The following NFATC1 variants were observed in gnomAD, a reference collection of about 807,000 sequenced individuals.
The protein encoded by NFATC1 is nuclear factor of activated T cells 1, also known as nuclear factor of activated T-cells, cytoplasmic 1.
Under a neutral mutation model 76.0 loss-of-function variants are expected in NFATC1, and 22 were observed. The ratio of observed to expected loss-of-function variants is 0.29; its 90% confidence interval spans 0.21 to 0.41. The LOEUF is 0.41. NFATC1 is among the 10% of genes least tolerant of loss of function. NFATC1 has a pLI of 1.00. For missense variants in NFATC1, 1,357 were observed against 1,337.7 expected (o/e 1.01, Z -0.23); for synonymous variants, 704 against 613.1 (o/e 1.15, Z -2.19).
At chr18:79,494,826 C>G (rs1280730946) in intron 9 of NFATC1, among the ~76,000 whole-genome samples, 1 of 113,750 alleles carries the variant, frequency 8.8e-6, no homozygotes, top group Admixed American at 8.6e-5. Context: ...AAGGCGAGAG[C>G]GGGCACACGC....
At chr18:79,407,859 G>C (rs2148170620) in intron 1 of NFATC1, among the ~76,000 whole-genome samples, 1 of 152,310 alleles carries the variant, frequency 6.6e-6, no homozygotes, top group Non-Finnish European at 1.5e-5. Context: ...GGCCTGGCTA[G>C]CACCATCCCC....
chr18:79,396,481 GC>G, intron 1 of NFATC1, 130 bp downstream of exon 1: 1 of 469,516 alleles, frequency 2.1e-6, no homozygotes, highest in Non-Finnish European at 3.0e-6. Flanking sequence ...GGGTCTGTGC[GC>G]CCAGGGAGGG....
At chr18:79,504,096 T>G (rs143109845) in intron 9 of NFATC1, among the ~76,000 whole-genome samples, 3 of 152,126 alleles carry the variant, frequency 2.0e-5, no homozygotes, top group Non-Finnish European at 4.4e-5. Context: ...GTATCAGCAA[T>G]AAGGCTGTTC....
In NFATC1 at chr18:79,407,555, C is replaced by T. The variant is rs561046932; in HGVS notation, c.128-2848C>T. Among the ~76,000 whole-genome samples, 3 of 152,372 alleles carry T rather than the reference C, an allele frequency of 2.0e-5. No individual in the cohort carries two copies. In the East Asian group the frequency reaches 5.8e-4, roughly 29 times the overall value. On this transcript the variant is annotated intron_variant, in intron 1 of 9. Coordinates refer to ENST00000427363, the MANE Select transcript of NFATC1 (RefSeq NM_001278669.2). ...CTCTGCCTCCTGGGCTCAAGCAATC[C>T]TGCTGCCTCAGCCTCCCAAGTAGCT...
At chr18:79,488,598 C>T (rs1354221479) in intron 9 of NFATC1, among the ~76,000 whole-genome samples, 2 of 152,302 alleles carry the variant, frequency 1.3e-5, no homozygotes, top group East Asian at 3.9e-4. Context: ...CTTGTCCACC[C>T]GCGAGGCCAG....
intron 9 of NFATC1, among the ~76,000 whole-genome samples, chr18:79,494,011 CT>C (rs36000124): frequency 0.059 from 8,960 of 152,304 alleles, 386 homozygotes; most frequent in Admixed American, 0.094. Context: ...CCCGGAGCTG[CT>C]TCCTCAGGGA....
chr18:79,480,883 C>G (rs977300491), intron 8 of NFATC1, among the ~76,000 whole-genome samples: 1 of 152,224 alleles, frequency 6.6e-6, no homozygotes, highest in African/African-American at 2.4e-5. Context: ...CTGAAAATCC[C>G]GAGCAGCGGA....
intron 8 of NFATC1, among the ~76,000 whole-genome samples, chr18:79,478,638 T>C (rs1032046592): frequency 5.9e-5 from 9 of 152,192 alleles, no homozygotes; most frequent in African/African-American, 9.7e-5. Flanking sequence ...ACGATGGCCG[T>C]GGCGGGGGCT....
chr18:79,491,061 T>C (rs1667670), intron 9 of NFATC1, among the ~76,000 whole-genome samples: 96,228 of 151,688 alleles, frequency 0.63, 30,560 homozygotes, highest in Middle Eastern at 0.68. Context: ...ACAAGCTCCA[T>C]GGAAATGCGA....
rs886421577 is a variant in NFATC1, at chr18:79,411,804, C to T, written c.1226+303C>T. ...CGTGTTCGCTCAGTCTCTGCAAACA[C>T]CCATTTCAAAGAGGGTGGCCCTGCT... On this transcript the variant is annotated intron_variant, in intron 2 of 9. Coordinates refer to ENST00000427363, the MANE Select transcript of NFATC1 (RefSeq NM_001278669.2). Among the ~76,000 whole-genome samples the T allele has an allele frequency of 2.0e-5, 3 of 152,252 alleles. No individual in the cohort carries two copies. The South Asian group carries it at 6.2e-4, about 31-fold the overall frequency.
intron 8 of NFATC1, among the ~76,000 whole-genome samples, chr18:79,475,941 C>T (rs1478701934): frequency 6.6e-6 from 1 of 152,222 alleles, no homozygotes; most frequent in Non-Finnish European, 1.5e-5. Flanking sequence ...GCGTCAGGAT[C>T]CAGACTTCTG....
chr18:79,436,235 CT>C, intron 3 of NFATC1, among the ~76,000 whole-genome samples: 1 of 152,364 alleles, frequency 6.6e-6, no homozygotes, highest in Admixed American at 6.5e-5. Flanking sequence ...TCGCACTGGC[CT>C]GGGGGCGCGA....
chr18:79,470,895 T>A (rs2088760009), intron 8 of NFATC1: 3 of 152,140 alleles, frequency 2.0e-5, no homozygotes, highest in Admixed American at 1.3e-4. Context: ...GAGGGAGAGT[T>A]CCCTTCACCC....
chr18:79,491,254 C>G (rs1660159), intron 9 of NFATC1, among the ~76,000 whole-genome samples: 98,616 of 151,894 alleles, frequency 0.65, 32,144 homozygotes, highest in Admixed American at 0.7. Context: ...ACCTGGAGTT[C>G]GGGGGCGGAG....
At chr18:79,491,612 G>A (rs1301750567) in intron 9 of NFATC1, among the ~76,000 whole-genome samples, 1 of 152,224 alleles carries the variant, frequency 6.6e-6, no homozygotes, top group Non-Finnish European at 1.5e-5. Context: ...GGGTATGGCA[G>A]GTGACAGAAG....
rs1261638849 is a variant in NFATC1, at chr18:79,465,991, T to C, written c.1960-1459T>C. Among the ~76,000 whole-genome samples the C allele has an allele frequency of 6.6e-6, 1 of 152,222 alleles. No individual in the cohort carries two copies. Among genetic ancestry groups the C allele is most frequent in the African/African-American group, 2.4e-5 (1 of 41,460 alleles). On this transcript the variant is annotated intron_variant, in intron 7 of 9. Transcript: ENST00000427363. The surrounding 1 kb of genome is among the most constrained non-coding windows in gnomAD (Gnocchi z 4.2). ...AGGAAGACGCCCATGTGCCATGGCT[T>C]CTGCTTCTTCCCAATGAACTGCAGT...
At chr18:79,420,112 C>T (rs575448408) in intron 2 of NFATC1, among the ~76,000 whole-genome samples, 11 of 152,274 alleles carry the variant, frequency 7.2e-5, no homozygotes, top group South Asian at 2.1e-4. Context: ...CTGCATGCTG[C>T]GTTCCATCAG....
intron 3 of NFATC1, among the ~76,000 whole-genome samples, chr18:79,441,662 C>T (rs942558954): frequency 2.0e-5 from 3 of 152,114 alleles, no homozygotes; most frequent in Non-Finnish European, 4.4e-5. Flanking sequence ...GACAAGCGCT[C>T]CTGCCGCTTG....
chr18:79,404,332 G>T (rs2085362805), intron 1 of NFATC1, among the ~76,000 whole-genome samples: 1 of 152,194 alleles, frequency 6.6e-6, no homozygotes, highest in African/African-American at 2.4e-5. Flanking sequence ...TTTCTCGCTG[G>T]CAGATTGTTG....
Sources: gnomAD v4.1 joint callset for allele counts (sites outside exome capture counted in the v4.1 genomes callset) on GRCh38, gnomAD v4.1.1 for gene constraint, Gnocchi (gnomAD v3.1) non-coding constraint, MANE v1.5 for transcripts, NCBI Gene and HGNC (gene_info 2026-07-23, HGNC 2026-07-21) for gene names.